DYNC1I2: variants seen among roughly 807,000 people sequenced by gnomAD.
The protein encoded by DYNC1I2 is cytoplasmic dynein 1 intermediate chain 2.
A neutral mutation model predicts 88.6 loss-of-function variants in DYNC1I2; 53 were observed. The ratio of observed to expected loss-of-function variants is 0.60; its 90% CI spans 0.48 to 0.75. The LOEUF is 0.75. Ranked by LOEUF, DYNC1I2 falls within the 30% of genes least tolerant of loss-of-function variation. The probability of loss-of-function intolerance (pLI) is 0.00; values close to 1 mark genes in which losing one functional copy is unlikely to be tolerated. For synonymous variants in DYNC1I2, 198 were observed against 254.6 expected, an observed-to-expected ratio of 0.78 and a Z score of 2.12; for missense variants, 458 against 766.6, an observed-to-expected ratio of 0.60 and a Z score of 4.75.
chr2:171,688,874 C>G (rs957226103), intron 1 of DYNC1I2, among the ~76,000 whole-genome samples: 1 of 152,114 alleles, frequency 6.6e-6, no homozygotes, highest in Non-Finnish European at 1.5e-5. Context: ...TCCTAGTTTT[C>G]TTGATCTAAA....
chr2:171,726,501 A>G (rs1574596869), intron 10 of DYNC1I2: 1 of 559,878 alleles, frequency 1.8e-6, no homozygotes, highest in East Asian at 3.1e-5. Context: ...TCAGGACTTT[A>G]TGATACAGGC....
chr2:171,689,215 TA>T (rs1344108559), intron 1 of DYNC1I2, among the ~76,000 whole-genome samples: 1 of 152,202 alleles, frequency 6.6e-6, no homozygotes, highest in Non-Finnish European at 1.5e-5. Context: ...TCAAGTACAT[TA>T]CAATCTAATA....
At chr2:171,745,683 C>A (rs2105789611) in intron 16 of DYNC1I2, 119 bp from the exon 17 acceptor site, 1 of 1,074,582 alleles carries the variant, frequency 9.3e-7, no homozygotes, top group Non-Finnish European at 1.3e-6. Context: ...GAAATTCTTA[C>A]CTGTTTTCAT....
rs368135681 is a variant in DYNC1I2, at chr2:171,729,817, A to G, written c.1500A>G (p.Ser500=). 3 of 1,613,682 alleles carry G rather than the reference A, an allele frequency of 1.9e-6. No homozygotes were observed. In the African/African-American group the frequency reaches 4.0e-5, roughly 22 times the overall value. Residue 500 remains serine (S), a synonymous_variant, in exon 15 of 18, where the codon TCA becomes TCG. Transcript: ENST00000397119. Reference sequence around the variant, plus strand: ...ACTTCTCACATCTTTTTGTCACTTCATCGTTTGACTGGACAGTAAAGCTTT... The same window carrying G: ...ACTTCTCACATCTTTTTGTCACTTCGTCGTTTGACTGGACAGTAAAGCTTT... The part of the protein sequence containing the change: ...AVDFSHLFVT[S]SFDWTVKLWT...
intron 16 of DYNC1I2, among the ~76,000 whole-genome samples, chr2:171,745,197 C>G (rs1306863729): frequency 6.6e-6 from 1 of 152,182 alleles, no homozygotes; most frequent in African/African-American, 2.4e-5. Flanking sequence ...TAAAACTCTT[C>G]TTCCTTAGCA....
chr2:171,744,167 G>A lies in DYNC1I2; in HGVS notation c.1655G>A (p.Trp552Ter). 2 of 1,608,454 alleles carry A rather than the reference G, an allele frequency of 1.2e-6. No homozygotes were observed. Among genetic ancestry groups the A allele is most frequent in the Non-Finnish European group, 1.7e-6 (2 of 1,177,936 alleles). The change falls in exon 16 of 18, where the codon TGG becomes TAG. Residue 552 changes from tryptophan to a stop codon, truncating the protein, a stop_gained. Transcript: ENST00000397119. LOFTEE classifies it high-confidence loss of function. Reference protein sequence around the residue: ...CVDGMGRLDLWNLNNDTEVPT... With the variant: ...CVDGMGRLDL ...GATGGCATGGGGAGATTGGATTTGT[G>A]GAATCTCAATAATGACACAGAGGTG...
intron 16 of DYNC1I2, 74 bp downstream of exon 16, chr2:171,744,263 C>CT: frequency 6.9e-7 from 1 of 1,458,758 alleles, no homozygotes; most frequent in Non-Finnish European, 9.1e-7. Context: ...TGTGAAATTC[C>CT]TTTTTTTCCA....
intron 16 of DYNC1I2, among the ~76,000 whole-genome samples, chr2:171,745,281 A>C (rs535226891): frequency 1.3e-5 from 2 of 152,294 alleles, no homozygotes; most frequent in Admixed American, 1.3e-4. Context: ...ATCTCCAGCT[A>C]GCTCATGGAA....
intron 7 of DYNC1I2, among the ~76,000 whole-genome samples, chr2:171,717,904 A>T (rs1439405187): frequency 6.6e-6 from 1 of 151,468 alleles, no homozygotes; most frequent in Non-Finnish European, 1.5e-5. Flanking sequence ...TTCTGAAACT[A>T]TTTTGAGTAA....
intron 6 of DYNC1I2, among the ~76,000 whole-genome samples, chr2:171,714,548 A>T (rs949235467): frequency 1.1e-4 from 17 of 152,158 alleles, no homozygotes; most frequent in African/African-American, 3.9e-4. Context: ...AACCAATAAA[A>T]GATCTCCCAG....
At chr2:171,710,120 T>TACACACACACACACAC (rs1383615743) in intron 5 of DYNC1I2, among the ~76,000 whole-genome samples, 3 of 95,676 alleles carry the variant, frequency 3.1e-5, no homozygotes. Context: ...TTTATGTATA[T>TACACACACACACACAC]ATACACACAC....
intron 11 of DYNC1I2, among the ~76,000 whole-genome samples, 186 bp downstream of exon 11, chr2:171,727,102 C>G (rs1296928250): frequency 6.6e-6 from 1 of 152,114 alleles, no homozygotes; most frequent in African/African-American, 2.4e-5. Flanking sequence ...CATGATCTGC[C>G]TTTTGTAGCT....
intron 3 of DYNC1I2, among the ~76,000 whole-genome samples, chr2:171,693,508 C>A (rs1685540981): frequency 6.6e-6 from 1 of 152,172 alleles, no homozygotes; most frequent in African/African-American, 2.4e-5. Context: ...GGAACAAATG[C>A]TTACTTAAAA....
At chr2:171,728,919 A>G in intron 14 of DYNC1I2, 69 bp downstream of exon 14, 13 of 1,472,932 alleles carry the variant, frequency 8.8e-6, no homozygotes, top group African/African-American at 1.4e-5. Flanking sequence ...AAATTGTCTT[A>G]TTTAAGTAGA....
chr2:171,749,237 A>G lies in DYNC1I2; in HGVS notation c.*1348A>G, dbSNP rs1277666521. On this transcript the variant is annotated 3_prime_UTR_variant, in exon 18 of 18. Transcript: ENST00000397119. ...TCTATGAGAAGTGTGATTTTAGCCA[A>G]GTCTGTGCCGCATTCTTTATATGTA... is the stretch of plus-strand genomic sequence containing the variant. 2.0e-5 allele frequency among the ~76,000 whole-genome samples: 3 copies of G among 152,192 alleles called. No individual in the cohort carries two copies. In the East Asian group the frequency reaches 5.8e-4, roughly 29 times the overall value.
intron 15 of DYNC1I2, among the ~76,000 whole-genome samples, chr2:171,743,300 A>G (rs1334889975): frequency 2.0e-5 from 3 of 152,146 alleles, no homozygotes; most frequent in Admixed American, 6.6e-5. Flanking sequence ...GAGGAGGAAA[A>G]GAAAGAGGAA....
intron 15 of DYNC1I2, among the ~76,000 whole-genome samples, chr2:171,739,701 T>C (rs1313572076): frequency 3.2e-5 from 4 of 125,234 alleles, no homozygotes; most frequent in African/African-American, 1.2e-4. Context: ...TATCTCTTTT[T>C]TTTTTTTTTT....
At chr2:171,730,711 TTC>T (rs1167025120) in intron 15 of DYNC1I2, among the ~76,000 whole-genome samples, 2 of 152,236 alleles carry the variant, frequency 1.3e-5, no homozygotes, top group African/African-American at 4.8e-5. Flanking sequence ...GTGTTTTTTT[TTC>T]TGTTTCTATC....
chr2:171,721,618 A>G (rs1189533085), intron 7 of DYNC1I2, among the ~76,000 whole-genome samples: 2 of 152,186 alleles, frequency 1.3e-5, no homozygotes, highest in Non-Finnish European at 1.5e-5. Context: ...GAAGTTATTC[A>G]TAAGTTGAAT....
Sources: gnomAD v4.1 joint callset for allele counts (sites outside exome capture counted in the v4.1 genomes callset) on GRCh38, gnomAD v4.1.1 for gene constraint, MANE v1.5 for transcripts, NCBI Gene and HGNC (gene_info 2026-07-23, HGNC 2026-07-21) for gene names.